RGS12: variants seen among roughly 807,000 people sequenced by gnomAD.
RGS12 encodes the protein regulator of G-protein signaling 12.
Under a neutral mutation model 120.1 loss-of-function variants are expected in RGS12, and 66 were observed. The observed-to-expected ratio is 0.55, with a 90% CI of 0.45 to 0.67. The LOEUF is 0.67. RGS12 is among the 30% of genes least tolerant of loss of function. The pLI is 0.00. For synonymous variants in RGS12, 827 were observed against 804.7 expected (o/e 1.03, Z -0.47); for missense variants, 1,859 against 1,957.7 (o/e 0.95, Z 0.95).
rs188488127 is a variant in RGS12, at chr4:3,433,718, G to A, written c.4114+2763G>A. On this transcript the variant is annotated intron_variant, in intron 17 of 17. Transcript: ENST00000336727. This position sits in a 1 kb window ranked among gnomAD's most constrained non-coding sequence, Gnocchi z 4.4. ...CCTTCTAGCCTCAGCGTCATGCACC[G>A]CACCGCCCCATGCTTCTAGCCCCAG... Among the ~76,000 whole-genome samples the A allele has an allele frequency of 6.7e-4, 102 of 151,150 alleles. No homozygotes were observed. Among genetic ancestry groups the A allele is most frequent in the African/African-American group, 2.2e-3 (91 of 41,054 alleles).
At chr4:3,322,961 G>T (rs1279146890) in intron 2 of RGS12, among the ~76,000 whole-genome samples, 1 of 152,240 alleles carries the variant, frequency 6.6e-6, no homozygotes, top group Non-Finnish European at 1.5e-5. Context: ...ACAGAGAATG[G>T]AGAAATACCT....
chr4:3,404,014 T>C lies in RGS12; in HGVS notation c.2021-10058T>C, dbSNP rs1373916183. ...GGCAGCCCTCCCTGCACTACCACAC[T>C]TCTGTGCAGAACTTAGGTTCCAGAA... On this transcript the variant is annotated intron_variant, in intron 4 of 17. Coordinates refer to ENST00000336727, the MANE Select transcript of RGS12 (RefSeq NM_001394154.1). Among the ~76,000 whole-genome samples, 8 of 152,228 alleles carry C rather than the reference T, an allele frequency of 5.3e-5. 1 individual carries two copies. Among genetic ancestry groups the C allele is most frequent in the Admixed American group, 5.2e-4 (8 of 15,282 alleles).
At position 3,317,935 on chromosome 4, in the gene RGS12, A is replaced by G; in HGVS notation, c.1765A>G (p.Ser589Gly). ...CGCAGACCGCTACAGGGTGGAGGGC[A>G]GCTTCGCGCAGCCCCCGCTGAATGC... The part of the protein sequence containing the change: ...IPADRYRVEG[S>G]FAQPPLNAPK... The change falls in exon 2 of 18, where the codon AGC becomes GGC. Residue 589 changes from serine to glycine, a missense_variant. This residue lies in a region of RGS12 where 967 missense variants were observed against 994.2 expected (regional missense o/e 0.97). Coordinates refer to ENST00000336727, the MANE Select transcript of RGS12 (RefSeq NM_001394154.1). 6.2e-7 allele frequency: 1 copy of G among 1,614,174 alleles called. No homozygotes were observed. Among genetic ancestry groups the G allele is most frequent in the Non-Finnish European group, 8.5e-7 (1 of 1,180,024 alleles).
intron 10 of RGS12, 122 bp from the exon 11 acceptor site, chr4:3,422,254 A>T: frequency 1.1e-6 from 1 of 893,194 alleles, no homozygotes. Context: ...TGCAGGTGGG[A>T]CCGTGGCAGG....
chr4:3,339,338 C>T (rs146642715), intron 2 of RGS12, among the ~76,000 whole-genome samples: 85 of 152,220 alleles, frequency 5.6e-4, no homozygotes, highest in African/African-American at 1.7e-3. Context: ...AAACATTAGC[C>T]GGGCCTGTTG....
rs200344022 is a variant in RGS12 at position 3,428,007 on chromosome 4, C to T, written c.3332-83C>T. 1,067 of 1,322,652 alleles carry T rather than the reference C, an allele frequency of 8.1e-4. 31 individuals carry two copies. In the South Asian group the frequency reaches 0.01, roughly 13 times the overall value. The allele number at this position is 1,322,652 out of a possible 1,614,324, so 81.9% of individuals were successfully genotyped here. A position where few individuals can be genotyped will look rare whatever the true frequency, so the allele number is the denominator to read the frequency against. On this transcript the variant is annotated intron_variant, in intron 14 of 17. Transcript: ENST00000336727. ...TGTGGCTTCTCTACAGCTTTGCTCTCAGAGACAGTAGGAGCAGGTTGTCTA... is the reference window on the plus strand; with the variant it reads ...TGTGGCTTCTCTACAGCTTTGCTCTTAGAGACAGTAGGAGCAGGTTGTCTA...
chr4:3,377,472 G>A (rs1717819298), intron 3 of RGS12, among the ~76,000 whole-genome samples: 1 of 152,116 alleles, frequency 6.6e-6, no homozygotes, highest in African/African-American at 2.4e-5. Context: ...GTTTTTTTAG[G>A]AACATCAAGT....
Position 3,317,688 on chromosome 4 carries a change from T to G in RGS12, c.1518T>G (p.Ser506=). The part of the protein sequence containing the change: ...WDLNKHLGPA[S]PVEVPPASLR... ...TAAACAAGCACCTAGGGCCAGCCTC[T>G]CCTGTGGAGGTGCCCCCAGCTTCCT... Residue 506 remains serine (S), a synonymous_variant, in exon 2 of 18, where the codon TCT becomes TCG. Coordinates refer to ENST00000336727, the MANE Select transcript of RGS12 (RefSeq NM_001394154.1). The G allele has an allele frequency of 6.2e-7, 1 of 1,611,946 alleles. No homozygotes were observed. The highest frequency in any genetic ancestry group is 1.1e-5 in the South Asian group (1 of 90,984).
chr4:3,338,047 T>C (rs1174406922), intron 2 of RGS12, among the ~76,000 whole-genome samples: 1 of 152,122 alleles, frequency 6.6e-6, no homozygotes, highest in Non-Finnish European at 1.5e-5. Context: ...TCCGAACTGA[T>C]GGTCGCATGG....
At chr4:3,352,099 A>G (rs775966825) in intron 3 of RGS12, among the ~76,000 whole-genome samples, 7 of 152,216 alleles carry the variant, frequency 4.6e-5, no homozygotes, top group Non-Finnish European at 8.8e-5. Context: ...CAAACAAAAC[A>G]TTAAACCGGG....
At chr4:3,421,804 C>G (rs1353313200) in intron 10 of RGS12, among the ~76,000 whole-genome samples, 2 of 152,314 alleles carry the variant, frequency 1.3e-5, no homozygotes, top group East Asian at 3.9e-4. Flanking sequence ...GGAGGAGCCA[C>G]AGAGCCGCAT....
chr4:3,414,132 G>A lies in RGS12; in HGVS notation c.2081G>A (p.Ser694Asn). 1 of 1,570,032 alleles carries A rather than the reference G, an allele frequency of 6.4e-7. No homozygotes were observed. Among genetic ancestry groups the A allele is most frequent in the Non-Finnish European group, 8.6e-7 (1 of 1,164,372 alleles). ...AACAACAGCCTGAGCAGCAATGCCA[G>A]CCTCCCCAGCGTGCAGAGCTGCCGG... is the stretch of plus-strand genomic sequence containing the variant. ...VSNNSLSSNA[S>N]LPSVQSCRRL... Residue 694 changes from serine (S) to asparagine (N), a missense_variant, in exon 5 of 18, where the codon AGC becomes AAC. This residue lies in a region of RGS12 where 967 missense variants were observed against 994.2 expected (regional missense o/e 0.97). Transcript: ENST00000336727.
At position 3,423,654 on chromosome 4, in the gene RGS12, C is replaced by T. The variant is rs374469777; in HGVS notation, c.3234+13C>T. Reference sequence around the variant, plus strand: ...GCTGGTGAGGCTGGTGAGTGTTGCACGGGGCCCGGGCGTCGTCACCGCAGG... The same window carrying T: ...GCTGGTGAGGCTGGTGAGTGTTGCATGGGGCCCGGGCGTCGTCACCGCAGG... On this transcript the variant is annotated intron_variant, in intron 13 of 17. Coordinates refer to ENST00000336727, the MANE Select transcript of RGS12 (RefSeq NM_001394154.1). 46 of 1,598,736 alleles carry T rather than the reference C, an allele frequency of 2.9e-5. No individual in the cohort carries two copies. In the East Asian group the frequency reaches 3.4e-4, roughly 12 times the overall value.
At chr4:3,416,206 G>A in intron 7 of RGS12, 85 bp downstream of exon 7, 2 of 1,491,656 alleles carry the variant, frequency 1.3e-6, no homozygotes, top group African/African-American at 1.4e-5. Flanking sequence ...CGTGCTATCA[G>A]GCAGGCCAGT....
chr4:3,439,420 C>A (rs1725123476), intron 17 of RGS12, 35 bp from the exon 18 acceptor site: 1 of 1,609,950 alleles, frequency 6.2e-7, no homozygotes. Flanking sequence ...AGGGCCGGGC[C>A]AGGCAAGTGA....
chr4:3,341,079 C>A lies in RGS12; in HGVS notation c.1882-1858C>A, dbSNP rs564783671. Among the ~76,000 whole-genome samples, 7 of 151,046 alleles carry A rather than the reference C, an allele frequency of 4.6e-5. No individual in the cohort carries two copies. In the East Asian group the frequency reaches 1.4e-3, roughly 30 times the overall value. On this transcript the variant is annotated intron_variant, in intron 2 of 17. Coordinates refer to ENST00000336727, the MANE Select transcript of RGS12 (RefSeq NM_001394154.1). ...GGTGGCGTCCCTCCCCGAGCATCCT[C>A]TCGTGTTCCCGGCAGCCACAGCCCC...
At chr4:3,400,595 TATTA>T (rs1192926974) in intron 4 of RGS12, among the ~76,000 whole-genome samples, 2 of 150,338 alleles carry the variant, frequency 1.3e-5, no homozygotes, top group South Asian at 2.1e-4. Flanking sequence ...GAATGTACTC[TATTA>T]ATTATTATAT....
chr4:3,355,386 G>A (rs1714770188), intron 3 of RGS12, among the ~76,000 whole-genome samples: 1 of 152,122 alleles, frequency 6.6e-6, no homozygotes, highest in Non-Finnish European at 1.5e-5. Context: ...CGGAAGTCCT[G>A]GTTAGTGTAC....
chr4:3,431,784 G>A (rs1724333732), intron 17 of RGS12: 1 of 985,610 alleles, frequency 1.0e-6, no homozygotes, highest in Non-Finnish European at 1.2e-6. Context: ...CTCTGCTGTG[G>A]TTTGCTGCTG....
Sources: gnomAD v4.1 joint callset for allele counts (sites outside exome capture counted in the v4.1 genomes callset) on GRCh38, gnomAD v4.1.1 for gene constraint, gnomAD v4.1.1 regional missense constraint, Gnocchi (gnomAD v3.1) non-coding constraint, MANE v1.5 for transcripts, NCBI Gene and HGNC (gene_info 2026-07-23, HGNC 2026-07-21) for gene names.